The following CAMK4 variants were observed in gnomAD, a reference collection of about 807,000 sequenced individuals.
The protein encoded by CAMK4 is calcium/calmodulin dependent protein kinase IV.
CAMK4 carries 22 observed loss-of-function variants against 44.9 expected under a neutral mutation model. That is an observed-to-expected ratio of 0.49 (90% CI 0.35 to 0.70). The LOEUF (loss-of-function observed/expected upper bound fraction) is 0.70. CAMK4 is among the 30% of genes least tolerant of loss of function. CAMK4 has a pLI of 0.01. For synonymous variants in CAMK4, 218 were observed against 215.4 expected, an observed-to-expected ratio of 1.01 and a Z score of -0.11; for missense variants, 498 against 586.8, an observed-to-expected ratio of 0.85 and a Z score of 1.56.
At chr5:111,246,987 T>C (rs1205611432) in intron 1 of CAMK4, among the ~76,000 whole-genome samples, 2 of 152,198 alleles carry the variant, frequency 1.3e-5, no homozygotes, top group Non-Finnish European at 2.9e-5. Flanking sequence ...GATAGGATTT[T>C]ATTGCTGTAG....
chr5:111,256,613 A>G (rs1749757106), intron 1 of CAMK4, among the ~76,000 whole-genome samples: 1 of 152,204 alleles, frequency 6.6e-6, no homozygotes, highest in South Asian at 2.1e-4. Context: ...AATAAAAATG[A>G]GCCTTTTCTT....
chr5:111,243,482 C>G (rs1749098123), intron 1 of CAMK4, among the ~76,000 whole-genome samples: 1 of 152,146 alleles, frequency 6.6e-6, no homozygotes, highest in Admixed American at 6.5e-5. Flanking sequence ...GGCTCAGGAG[C>G]CTGACTAAAG....
intron 1 of CAMK4, among the ~76,000 whole-genome samples, chr5:111,311,442 A>G (rs980229160): frequency 3.9e-5 from 6 of 152,164 alleles, no homozygotes; most frequent in South Asian, 2.1e-4. Context: ...CTCTAAATAG[A>G]TGATACGTTG....
chr5:111,225,141 A>C (rs2112482082), intron 1 of CAMK4, among the ~76,000 whole-genome samples: 1 of 152,330 alleles, frequency 6.6e-6, no homozygotes, highest in East Asian at 1.9e-4. Context: ...TTCCCTGCAG[A>C]GTCTGCTCAG....
intron 1 of CAMK4, among the ~76,000 whole-genome samples, chr5:111,236,798 T>C (rs1032171161): frequency 2.0e-5 from 3 of 152,230 alleles, no homozygotes; most frequent in Admixed American, 2.0e-4. Context: ...CATCTGCTTA[T>C]TGGGCAGAGG....
chr5:111,224,451 G>C lies in CAMK4; in HGVS notation c.-33G>C. On this transcript the variant is annotated 5_prime_UTR_variant, in exon 1 of 11. Coordinates refer to ENST00000282356, the MANE Select transcript of CAMK4 (RefSeq NM_001744.6). This position sits in a 1 kb window ranked among gnomAD's most constrained non-coding sequence, Gnocchi z 5.7. ...TTCTCGCTCGGGCAGCGGCGGCGGC[G>C]GCGGCGGCGGCTTCCGGAGTCCCGC... 1 of 1,555,112 alleles carries C rather than the reference G, an allele frequency of 6.4e-7. No individual in the cohort carries two copies. The highest frequency in any genetic ancestry group is 8.7e-7 in the Non-Finnish European group (1 of 1,154,932).
At position 111,485,849 on chromosome 5, in the gene CAMK4, T is replaced by C. The variant is rs1454995107; in HGVS notation, c.*1383T>C. 3 of 152,210 alleles carry C rather than the reference T, an allele frequency of 2.0e-5. No homozygotes were observed. The highest frequency in any genetic ancestry group is 7.2e-5 in the African/African-American group (3 of 41,462). 9.4% of individuals were successfully genotyped at this position (152,210 alleles called of 1,614,324 possible). A position where few individuals can be genotyped will look rare whatever the true frequency, so the allele number is the denominator to read the frequency against. On this transcript the variant is annotated 3_prime_UTR_variant, in exon 11 of 11. Transcript: ENST00000282356. ...CTTTCATAGAAACACTTTCCCCTTATAGAAATTGCACTATCTCCAATTTAT... is the reference window on the plus strand; with the variant it reads ...CTTTCATAGAAACACTTTCCCCTTACAGAAATTGCACTATCTCCAATTTAT...
intron 8 of CAMK4, among the ~76,000 whole-genome samples, chr5:111,475,045 C>A (rs1755189088): frequency 6.6e-6 from 1 of 152,152 alleles, no homozygotes; most frequent in South Asian, 2.1e-4. Flanking sequence ...CGCCTGTAGT[C>A]CCAGCTACTC....
rs186781635 is a variant in CAMK4 at position 111,372,707 on chromosome 5, A to G, written c.241-2143A>G. Among the ~76,000 whole-genome samples the G allele has an allele frequency of 2.5e-4, 38 of 152,294 alleles. 1 individual carries two copies. The highest frequency in any genetic ancestry group is 1.6e-3 in the Admixed American group (24 of 15,280). On this transcript the variant is annotated intron_variant, in intron 2 of 10. Coordinates refer to ENST00000282356, the MANE Select transcript of CAMK4 (RefSeq NM_001744.6). ...CTTGAAACTGAAAGAGCTTTGATCA[A>G]TACATGGTCTGAATCATGCAGAGTA...
chr5:111,434,616 C>T (rs573463224), intron 5 of CAMK4, among the ~76,000 whole-genome samples: 20 of 152,258 alleles, frequency 1.3e-4, no homozygotes, highest in African/African-American at 4.8e-4. Context: ...GATAGTAGTT[C>T]CTTATTGCTT....
chr5:111,249,676 G>GT (rs894785743), intron 1 of CAMK4, among the ~76,000 whole-genome samples: 58 of 143,250 alleles, frequency 4.0e-4, no homozygotes, highest in Non-Finnish European at 7.0e-4. Context: ...ATGTGTGTGT[G>GT]TGTGTGTGTG....
At chr5:111,252,559 T>C (rs1749554214) in intron 1 of CAMK4, among the ~76,000 whole-genome samples, 1 of 152,194 alleles carries the variant, frequency 6.6e-6, no homozygotes, top group African/African-American at 2.4e-5. Context: ...ATGAGTCTTA[T>C]AGGTCCCAAA....
intron 4 of CAMK4, among the ~76,000 whole-genome samples, chr5:111,380,296 G>T (rs191437324): frequency 7.1e-4 from 108 of 151,182 alleles, no homozygotes; most frequent in Non-Finnish European, 4.7e-4. Context: ...ATTGTCATGG[G>T]TTTTTTTTCT....
intron 1 of CAMK4, among the ~76,000 whole-genome samples, chr5:111,235,423 A>G (rs918819924): frequency 6.6e-5 from 10 of 151,994 alleles, no homozygotes. Context: ...TAGGCCTCTA[A>G]AGGGTTCTTC....
chr5:111,400,129 G>A (rs1013180747), intron 5 of CAMK4, among the ~76,000 whole-genome samples: 2 of 105,144 alleles, frequency 1.9e-5, no homozygotes, highest in Admixed American at 9.4e-5. Flanking sequence ...ATTGTTGAGG[G>A]TTTGTTTTTT....
intron 1 of CAMK4, among the ~76,000 whole-genome samples, chr5:111,243,972 T>C (rs2112525009): frequency 6.6e-6 from 1 of 152,334 alleles, no homozygotes; most frequent in Middle Eastern, 3.4e-3. Flanking sequence ...GTTTTTGTTT[T>C]TTTAATACAG....
intron 1 of CAMK4, among the ~76,000 whole-genome samples, chr5:111,249,467 A>G (rs114999458): frequency 0.073 from 10,979 of 150,838 alleles, 536 homozygotes; most frequent in Non-Finnish European, 0.11. Context: ...ATAAATATAC[A>G]TTTATACATG....
chr5:111,357,686 A>G (rs981418493), intron 2 of CAMK4, among the ~76,000 whole-genome samples: 1 of 152,106 alleles, frequency 6.6e-6, no homozygotes, highest in Non-Finnish European at 1.5e-5. Flanking sequence ...TCAGTACTGA[A>G]TTAGTTTTCA....
chr5:111,261,176 G>C (rs1401479006), intron 1 of CAMK4, among the ~76,000 whole-genome samples: 2 of 152,142 alleles, frequency 1.3e-5, no homozygotes, highest in Non-Finnish European at 2.9e-5. Flanking sequence ...CCCAAACTCA[G>C]TTATTGCCTT....
Sources: allele counts gnomAD v4.1 joint callset (sites outside exome capture counted in the v4.1 genomes callset), GRCh38; gene constraint gnomAD v4.1.1; non-coding constraint Gnocchi (gnomAD v3.1); transcripts MANE v1.5; gene names NCBI Gene and HGNC (gene_info 2026-07-23, HGNC 2026-07-21).